Variants in TEX9 observed in about 807,000 individuals in gnomAD.
TEX9 encodes testis expressed 9.
A neutral mutation model predicts 59.6 loss-of-function variants in TEX9; 74 were observed. That is an observed-to-expected ratio of 1.24 (90% confidence interval 1.03 to 1.51). TEX9 has a LOEUF of 1.51. Among genes scored for constraint, TEX9 ranks in the 40% most tolerant of loss-of-function variants. The pLI, the probability that TEX9 is intolerant of heterozygous loss-of-function variation, is 0.00. For synonymous variants in TEX9, 186 were observed against 152.2 expected (o/e 1.22, Z -1.64); for missense variants, 522 against 447.8 (o/e 1.17, Z -1.49).
chr15:56,358,064 G>A (rs531340508), intron 1 of TEX9, among the ~76,000 whole-genome samples: 3 of 152,234 alleles, frequency 2.0e-5, no homozygotes, highest in African/African-American at 4.8e-5. Context: ...TGCTAGGACC[G>A]TTGGGGCACT....
intron 1 of TEX9, among the ~76,000 whole-genome samples, chr15:56,265,344 T>C (rs533421292): frequency 6.6e-6 from 1 of 151,884 alleles, no homozygotes; most frequent in Non-Finnish European, 1.5e-5. Context: ...TTTTTTATTT[T>C]TTATTTTTTG....
chr15:56,312,063 G>A (rs1293449772), intron 1 of TEX9, among the ~76,000 whole-genome samples: 1 of 151,196 alleles, frequency 6.6e-6, no homozygotes, highest in Non-Finnish European at 1.5e-5. Context: ...CAGATGAGTA[G>A]GTTGCGAAAA....
intron 1 of TEX9, among the ~76,000 whole-genome samples, chr15:56,295,290 A>G (rs2045191273): frequency 6.6e-6 from 1 of 152,224 alleles, no homozygotes; most frequent in Non-Finnish European, 1.5e-5. Context: ...TTTACAAAAA[A>G]TGTTTGGCCC....
chr15:56,311,125 CTTT>C (rs1313775992), intron 1 of TEX9, among the ~76,000 whole-genome samples: 5 of 56,658 alleles, frequency 8.8e-5, no homozygotes, highest in Admixed American at 1.6e-4. Flanking sequence ...CTCCTTATTT[CTTT>C]TTTTTTTTTA....
Position 56,341,587 on chromosome 15 carries a change from G to A in TEX9, c.-106-31854G>A, listed in dbSNP as rs559111706. On this transcript the variant is annotated intron_variant, in intron 1 of 5. Coordinates refer to the TEX9 transcript ENST00000560827. Reference sequence around the variant, plus strand: ...ATTCAGGTAGAAGGGAATTGAGGGAGTGTACTTCAGGGGAAACCCTAAAAA... The same window carrying A: ...ATTCAGGTAGAAGGGAATTGAGGGAATGTACTTCAGGGGAAACCCTAAAAA... Among the ~76,000 whole-genome samples, 642 of 152,118 alleles carry A rather than the reference G, an allele frequency of 4.2e-3. 2 individuals carry two copies. The highest frequency in any genetic ancestry group is 7.4e-3 in the Non-Finnish European group (505 of 68,000).
chr15:56,372,549 A>G (rs12324898), intron 2 of TEX9, among the ~76,000 whole-genome samples: 16 of 152,324 alleles, frequency 1.1e-4, no homozygotes, highest in African/African-American at 3.6e-4. Context: ...GGACTTAACA[A>G]TAGGGACAGA....
intron 10 of TEX9, among the ~76,000 whole-genome samples, chr15:56,419,170 C>T (rs2049849919): frequency 1.3e-5 from 2 of 151,438 alleles, no homozygotes; most frequent in Non-Finnish European, 2.9e-5. Flanking sequence ...TATAAATGTT[C>T]TTTAAATTCC....
intron 12 of TEX9, chr15:56,431,505 A>G (rs1221315587): frequency 9.9e-6 from 16 of 1,613,450 alleles, no homozygotes; most frequent in South Asian, 2.2e-5. Flanking sequence ...GTTGCTGGAA[A>G]TGCAGATCAA....
intron 10 of TEX9, among the ~76,000 whole-genome samples, chr15:56,419,891 T>C (rs2049885413): frequency 6.6e-6 from 1 of 151,878 alleles, no homozygotes; most frequent in African/African-American, 2.4e-5. Flanking sequence ...GGTAAAGCCG[T>C]CTGGGCCTGA....
chr15:56,336,354 T>C (rs916156448), intron 1 of TEX9, among the ~76,000 whole-genome samples: 4 of 152,184 alleles, frequency 2.6e-5, no homozygotes, highest in African/African-American at 7.2e-5. Context: ...GGTCCCTGCA[T>C]AAATGAGATT....
chr15:56,321,763 C>T (rs2045909572), intron 1 of TEX9, among the ~76,000 whole-genome samples: 1 of 152,066 alleles, frequency 6.6e-6, no homozygotes, highest in Non-Finnish European at 1.5e-5. Flanking sequence ...TTCAGTCATG[C>T]TTAATTAATT....
intron 1 of TEX9, among the ~76,000 whole-genome samples, chr15:56,249,540 C>T (rs1390723636): frequency 6.6e-6 from 1 of 151,686 alleles, no homozygotes; most frequent in Non-Finnish European, 1.5e-5. Flanking sequence ...GAATTCAAGA[C>T]CAGCCTGGCG....
At chr15:56,322,674 C>T (rs2045928443) in intron 1 of TEX9, among the ~76,000 whole-genome samples, 1 of 152,016 alleles carries the variant, frequency 6.6e-6, no homozygotes, top group Admixed American at 6.6e-5. Context: ...TTTTCTCTAG[C>T]GATGTTCAGG....
intron 1 of TEX9, among the ~76,000 whole-genome samples, chr15:56,284,765 A>G (rs554544414): frequency 1.3e-5 from 2 of 152,118 alleles, no homozygotes; most frequent in South Asian, 4.1e-4. Context: ...GTCCATCCTC[A>G]CTGCCATTGG....
chr15:56,339,247 G>A (rs1408514261), intron 1 of TEX9, among the ~76,000 whole-genome samples: 2 of 151,444 alleles, frequency 1.3e-5, no homozygotes, highest in Non-Finnish European at 1.5e-5. Flanking sequence ...GCCGGGTGTG[G>A]TGGTGTGTGC....
At chr15:56,412,234 C>A (rs1231898918) in intron 9 of TEX9, 68 bp from the exon 10 acceptor site, 4 of 1,452,674 alleles carry the variant, frequency 2.8e-6, no homozygotes, top group South Asian at 1.3e-5. Context: ...ATGGAAGATA[C>A]TGCAAAATGA....
chr15:56,368,385 T>A (rs2047039691), intron 2 of TEX9, among the ~76,000 whole-genome samples: 4 of 152,112 alleles, frequency 2.6e-5, no homozygotes, highest in Admixed American at 2.6e-4. Flanking sequence ...TTGTAGTTTT[T>A]CTCTACTTCT....
chr15:56,425,214 G>A (rs1417509170), intron 10 of TEX9, among the ~76,000 whole-genome samples: 2 of 151,982 alleles, frequency 1.3e-5, no homozygotes, highest in South Asian at 2.1e-4. Flanking sequence ...TCTTGCTGTG[G>A]GTCTCTGGGT....
chr15:56,421,990 G>C (rs566725120), intron 10 of TEX9, among the ~76,000 whole-genome samples: 20 of 150,458 alleles, frequency 1.3e-4, no homozygotes, highest in Admixed American at 1.3e-3. Context: ...CCAGTAATGG[G>C]ATGGCTGGGT....
Sources: gnomAD v4.1 joint callset for allele counts (sites outside exome capture counted in the v4.1 genomes callset) on GRCh38, gnomAD v4.1.1 for gene constraint, MANE v1.5 for transcripts, NCBI Gene and HGNC (gene_info 2026-07-23, HGNC 2026-07-21) for gene names.